PTPRD: variants seen among roughly 807,000 people sequenced by gnomAD.
The protein encoded by PTPRD is protein tyrosine phosphatase receptor type D, also known as receptor-type tyrosine-protein phosphatase delta.
Under a neutral mutation model 214.5 loss-of-function variants are expected in PTPRD, and 34 were observed. The ratio of observed to expected loss-of-function variants is 0.16; its 90% confidence interval spans 0.12 to 0.21. The LOEUF (loss-of-function observed/expected upper bound fraction) is 0.21, where lower values mean the gene tolerates loss of function less well. PTPRD is among the 10% of genes least tolerant of loss of function. The pLI is 1.00. For synonymous variants in PTPRD, 1,128 were observed against 845.7 expected (o/e 1.33, Z -5.79); for missense variants, 2,545 against 2,398.7 (o/e 1.06, Z -1.27).
chr9:8,838,634 A>T (rs527310772), intron 11 of PTPRD, among the ~76,000 whole-genome samples: 5 of 152,076 alleles, frequency 3.3e-5, no homozygotes, highest in Non-Finnish European at 4.4e-5. Flanking sequence ...TTTACATTCT[A>T]TGTGTATATA....
intron 2 of PTPRD, among the ~76,000 whole-genome samples, chr9:10,573,677 G>A (rs1465331507): frequency 6.6e-6 from 1 of 152,092 alleles, no homozygotes. Flanking sequence ...AGCGCACCTG[G>A]ACTCTTTCCT....
At chr9:9,947,967 C>T (rs2093004959) in intron 4 of PTPRD, among the ~76,000 whole-genome samples, 1 of 151,722 alleles carries the variant, frequency 6.6e-6, no homozygotes, top group African/African-American at 2.4e-5. Flanking sequence ...TACGAGTTTC[C>T]TTGTTGCAGG....
At chr9:8,459,776 T>TA (rs1031520153) in intron 33 of PTPRD, among the ~76,000 whole-genome samples, 21 of 152,194 alleles carry the variant, frequency 1.4e-4, no homozygotes, top group African/African-American at 4.8e-4. Context: ...TTATATTTTT[T>TA]AAAAAAGGAA....
At chr9:9,479,008 T>G (rs2095261735) in intron 8 of PTPRD, among the ~76,000 whole-genome samples, 2 of 152,168 alleles carry the variant, frequency 1.3e-5, no homozygotes, top group South Asian at 4.1e-4. Context: ...TAATTAGATG[T>G]GGCTTTCTGG....
chr9:9,575,666 G>C (rs1251489405), intron 7 of PTPRD, among the ~76,000 whole-genome samples: 1 of 125,202 alleles, frequency 8.0e-6, no homozygotes, highest in African/African-American at 3.0e-5. Flanking sequence ...GTTGCAGTGA[G>C]CCAAGATCAT....
chr9:9,941,104 T>C (rs188712231), intron 4 of PTPRD, among the ~76,000 whole-genome samples: 197 of 152,268 alleles, frequency 1.3e-3, no homozygotes, highest in African/African-American at 4.4e-3. Context: ...TGTTTTCTCA[T>C]GTTTTAAGAA....
At chr9:8,406,248 G>T (rs2092964503) in intron 35 of PTPRD, among the ~76,000 whole-genome samples, 1 of 152,124 alleles carries the variant, frequency 6.6e-6, no homozygotes, top group African/African-American at 2.4e-5. Context: ...AGGTATTGAA[G>T]CATTCAGATG....
chr9:9,627,286 G>A (rs1007717847), intron 7 of PTPRD, among the ~76,000 whole-genome samples: 4 of 152,186 alleles, frequency 2.6e-5, no homozygotes, highest in Non-Finnish European at 4.4e-5. Context: ...CAACATGGGC[G>A]ACAGAGTGAG....
At chr9:10,473,909 A>G (rs990578891) in intron 2 of PTPRD, among the ~76,000 whole-genome samples, 2 of 152,078 alleles carry the variant, frequency 1.3e-5, no homozygotes, top group African/African-American at 4.8e-5. Context: ...TTTATATTAG[A>G]TTCCCCTTGA....
At chr9:9,007,554 C>G (rs1031403787) in intron 11 of PTPRD, among the ~76,000 whole-genome samples, 17 of 151,784 alleles carry the variant, frequency 1.1e-4, no homozygotes, top group Non-Finnish European at 4.4e-5. Flanking sequence ...ATATTTCTTT[C>G]TAATCACTCC....
intron 14 of PTPRD, among the ~76,000 whole-genome samples, chr9:8,633,035 T>C (rs1768238261): frequency 6.6e-6 from 1 of 151,922 alleles, no homozygotes; most frequent in Non-Finnish European, 1.5e-5. Flanking sequence ...CATATCCTGT[T>C]TCCTTTCTAG....
rs1947084597 is a variant in PTPRD, at chr9:9,280,035, A to G, written c.-202-96672T>C. Among the ~76,000 whole-genome samples the G allele has an allele frequency of 9.9e-5, 15 of 151,434 alleles. No homozygotes were observed. In the South Asian group the frequency reaches 3.1e-3, roughly 31 times the overall value. On this transcript the variant is annotated intron_variant, in intron 9 of 45. Coordinates refer to ENST00000381196, the MANE Select transcript of PTPRD (RefSeq NM_002839.4). ...TGTTTCCAATGTACCGCAATTACAA[A>G]CAATGCTTTAGCATAGCAAAAACTG...
chr9:8,727,211 T>C (rs1035561489), intron 12 of PTPRD, among the ~76,000 whole-genome samples: 1 of 152,208 alleles, frequency 6.6e-6, no homozygotes, highest in African/African-American at 2.4e-5. Context: ...GGTCACACTT[T>C]GGAATTGTTT....
chr9:9,859,062 G>C (rs1010273212), intron 5 of PTPRD, among the ~76,000 whole-genome samples: 1 of 152,052 alleles, frequency 6.6e-6, no homozygotes, highest in Non-Finnish European at 1.5e-5. Context: ...TGCTGTTCTC[G>C]TGACAGTGAG....
chr9:8,330,629 G>GGATGCTAGAAGGGACTTTA (rs1245169435), intron 44 of PTPRD, among the ~76,000 whole-genome samples: 6 of 152,102 alleles, frequency 3.9e-5, no homozygotes, highest in Non-Finnish European at 8.8e-5. Flanking sequence ...GAGAAACAAA[G>GGATGCTAGAAGGGACTTTA]GATGCTAGAA....
intron 32 of PTPRD, among the ~76,000 whole-genome samples, chr9:8,461,606 A>T (rs80272993): frequency 2.2e-5 from 3 of 139,396 alleles, no homozygotes; most frequent in African/African-American, 5.2e-5. Context: ...CATTGGTCCT[A>T]TTTTTTTTTT....
At chr9:8,720,954 G>C (rs2098487601) in intron 12 of PTPRD, among the ~76,000 whole-genome samples, 1 of 151,888 alleles carries the variant, frequency 6.6e-6, no homozygotes, top group African/African-American at 2.4e-5. Flanking sequence ...TCTCTGGACA[G>C]GGAATCATGA....
intron 4 of PTPRD, among the ~76,000 whole-genome samples, chr9:9,974,201 T>C (rs2095265218): frequency 6.6e-6 from 1 of 152,252 alleles, no homozygotes. Flanking sequence ...ATGACACATA[T>C]GTAACGATTA....
At chr9:8,321,888 C>G (rs1340761767) in intron 44 of PTPRD, among the ~76,000 whole-genome samples, 2 of 151,976 alleles carry the variant, frequency 1.3e-5, no homozygotes, top group Non-Finnish European at 2.9e-5. Context: ...CTGTGTCAAT[C>G]TTGCATTGAA....
Sources: allele counts gnomAD v4.1 joint callset (sites outside exome capture counted in the v4.1 genomes callset), GRCh38; gene constraint gnomAD v4.1.1; transcripts MANE v1.5; gene names NCBI Gene and HGNC (gene_info 2026-07-23, HGNC 2026-07-21).